Variants in CEP192 observed in about 807,000 individuals in gnomAD.
CEP192 encodes centrosomal protein of 192 kDa.
CEP192 carries 151 observed loss-of-function variants against 271.8 expected under a neutral mutation model. That is an observed-to-expected ratio of 0.56 (90% CI 0.49 to 0.64). The LOEUF (loss-of-function observed/expected upper bound fraction) is 0.64, where lower values mean the gene tolerates loss of function less well. CEP192 is among the 30% of genes least tolerant of loss of function. The pLI is 0.00. For synonymous variants in CEP192, 995 were observed against 1,076.5 expected (o/e 0.92, Z 1.48); for missense variants, 2,910 against 3,020.5 (o/e 0.96, Z 0.86).
chr18:13,004,826 G>A (rs78135862), intron 3 of CEP192, among the ~76,000 whole-genome samples: 6,621 of 152,216 alleles, frequency 0.043, 213 homozygotes, highest in African/African-American at 0.094. Flanking sequence ...TGCAGGTGAA[G>A]AGGAGGCAGA....
intron 40 of CEP192, among the ~76,000 whole-genome samples, chr18:13,113,092 C>T (rs938780607): frequency 1.3e-5 from 2 of 152,208 alleles, no homozygotes; most frequent in African/African-American, 4.8e-5. Context: ...AATCATAATG[C>T]GAGCTGCCAC....
chr18:13,029,791 G>A lies in CEP192; in HGVS notation c.1179G>A (p.Gly393=). 1.9e-6 allele frequency: 3 copies of A among 1,551,580 alleles called. No homozygotes were observed. The highest frequency in any genetic ancestry group is 2.6e-6 in the Non-Finnish European group (3 of 1,146,924). The change falls in exon 10 of 45, where the codon GGG becomes GGA. Residue 393 remains glycine, a synonymous_variant. Coordinates refer to ENST00000506447, the MANE Select transcript of CEP192 (RefSeq NM_032142.4). ...GFDLTDPVKQ[G]AECPHQNKTV... is the part of the protein sequence containing the mutation. ...ATCTGACTGACCCTGTAAAACAGGG[G>A]GCAGAGTGTCCTCACCAAAATAAGA...
intron 28 of CEP192, among the ~76,000 whole-genome samples, chr18:13,071,989 T>C (rs2038037802): frequency 6.6e-6 from 1 of 152,186 alleles, no homozygotes; most frequent in Admixed American, 6.5e-5. Flanking sequence ...GAATGAAAAC[T>C]TTACAAAATA....
chr18:13,096,955 C>G (rs1486772678), intron 36 of CEP192, among the ~76,000 whole-genome samples: 1 of 152,170 alleles, frequency 6.6e-6, no homozygotes, highest in Non-Finnish European at 1.5e-5. Context: ...CACATGACTC[C>G]CACATCTGCA....
intron 11 of CEP192, 112 bp from the exon 12 acceptor site, chr18:13,037,125 A>G (rs1026409855): frequency 5.6e-5 from 35 of 620,502 alleles, no homozygotes; most frequent in Non-Finnish European, 9.5e-5. Flanking sequence ...AAGCTTTTAC[A>G]TACTTGTTAC....
chr18:12,999,616 C>G, intron 2 of CEP192, 28 bp downstream of exon 2: 1 of 1,495,356 alleles, frequency 6.7e-7, no homozygotes, highest in Non-Finnish European at 8.9e-7. Flanking sequence ...AGATTTTTTT[C>G]CAGGTCCATA....
chr18:13,110,467 C>G (rs749533492), intron 40 of CEP192, among the ~76,000 whole-genome samples: 3 of 150,388 alleles, frequency 2.0e-5, no homozygotes, highest in Non-Finnish European at 4.4e-5. Flanking sequence ...CAAGACAGTT[C>G]AATGGGGAAA....
chr18:13,116,374 C>T lies in CEP192; in HGVS notation c.7290-3C>T, dbSNP rs1027251684. On this transcript the variant is annotated splice_region_variant and splice_polypyrimidine_tract_variant and intron_variant, in intron 42 of 44. Transcript: ENST00000506447. ...TTAACTTTTACACCTATTCCCAAAG[C>T]AGGCAGCTTGATGTGACTGCTCGTG... 1.9e-6 allele frequency: 3 copies of T among 1,611,058 alleles called. No homozygotes were observed. Among genetic ancestry groups the T allele is most frequent in the Non-Finnish European group, 2.5e-6 (3 of 1,179,272 alleles).
chr18:13,030,379 C>A, intron 10 of CEP192, 86 bp from the exon 11 acceptor site: 5 of 1,156,726 alleles, frequency 4.3e-6, no homozygotes, highest in Non-Finnish European at 6.0e-6. Context: ...CTAAGGTAGT[C>A]ATCTGAATTT....
At position 13,097,271 on chromosome 18, in the gene CEP192, T is replaced by C. The variant is rs572145372; in HGVS notation, c.6557+964T>C. Among the ~76,000 whole-genome samples, 47 of 152,308 alleles carry C rather than the reference T, an allele frequency of 3.1e-4. No homozygotes were observed. The South Asian group carries it at 9.7e-3, about 32-fold the overall frequency. On this transcript the variant is annotated intron_variant, in intron 36 of 44. Coordinates refer to ENST00000506447, the MANE Select transcript of CEP192 (RefSeq NM_032142.4). ...CAATCTTGCCCTTTCATTTTTGACATGTGTACTGAAACAGCTTTTCAGTCT... is the reference window on the plus strand; with the variant it reads ...CAATCTTGCCCTTTCATTTTTGACACGTGTACTGAAACAGCTTTTCAGTCT...
At chr18:13,118,152 A>G (rs1326551745) in intron 44 of CEP192, among the ~76,000 whole-genome samples, 1 of 152,074 alleles carries the variant, frequency 6.6e-6, no homozygotes, top group Admixed American at 6.5e-5. Flanking sequence ...TTTCTTTTCT[A>G]TATGATGCAC....
At position 13,049,595 on chromosome 18, in the gene CEP192, G is replaced by A; in HGVS notation, c.2804G>A (p.Arg935Lys). 1.2e-6 allele frequency: 2 copies of A among 1,613,816 alleles called. No individual in the cohort carries two copies. The highest frequency in any genetic ancestry group is 1.7e-6 in the Non-Finnish European group (2 of 1,179,950). ...ATACGAGATAACAGAGAAAATCAGA[G>A]GCAAAATGAGTGTGTCAGTGAAATA... is the stretch of plus-strand genomic sequence containing the variant. ...EEIRDNRENQ[R>K]QNECVSEISN... The change falls in exon 16 of 45, where the codon AGG becomes AAG. Residue 935 changes from arginine (R) to lysine (K), a missense_variant. Transcript: ENST00000506447.
At chr18:13,042,444 T>G (rs1309174155) in intron 15 of CEP192, 110 bp downstream of exon 15, 2 of 1,157,294 alleles carry the variant, frequency 1.7e-6, no homozygotes. Context: ...ATCTTTTCTT[T>G]CCTGGCTTCA....
At chr18:13,072,162 A>G (rs2038048182) in intron 28 of CEP192, among the ~76,000 whole-genome samples, 1 of 152,214 alleles carries the variant, frequency 6.6e-6, no homozygotes, top group South Asian at 2.1e-4. Context: ...AAATTTGAGT[A>G]AAACAGAGAT....
At chr18:13,102,123 C>T (rs976922206) in intron 38 of CEP192, among the ~76,000 whole-genome samples, 1 of 152,144 alleles carries the variant, frequency 6.6e-6, no homozygotes, top group South Asian at 2.1e-4. Flanking sequence ...GTGTGTCCTG[C>T]AGCTCCTGCC....
chr18:13,068,967 G>C lies in CEP192; in HGVS notation c.4938G>C (p.Arg1646Ser). 3 of 1,614,168 alleles carry C rather than the reference G, an allele frequency of 1.9e-6. No homozygotes were observed. In the South Asian group the frequency reaches 3.3e-5, roughly 18 times the overall value. The stretch of plus-strand genomic sequence containing the variant: ...TCCGAGCAAGAGCAGGAATAGCTAG[G>C]ATCCATGCTCCCAGGGACTTGCAGG... ...VSLRARAGIARIHAPRDLQTM... is the reference protein window; with the variant it reads ...VSLRARAGIASIHAPRDLQTM... Residue 1646 changes from arginine (R) to serine (S), a missense_variant, in exon 25 of 45, where the codon AGG becomes AGC. Arg to Ser is a moderately radical substitution (Grantham distance 110). Transcript: ENST00000506447.
Position 13,095,562 on chromosome 18 carries a change from A to T in CEP192, c.6314A>T (p.Lys2105Ile). 1 of 1,614,166 alleles carries T rather than the reference A, an allele frequency of 6.2e-7. No individual in the cohort carries two copies. ...GNVSLDVLPVKGPQGSPLLSR... is the reference protein window; with the variant it reads ...GNVSLDVLPVIGPQGSPLLSR... ...GTCTCTTTGGATGTTTTACCAGTCAAAGGTCCTCAGGGTTCTCCTCTTCTC... is the reference window on the plus strand; with the variant it reads ...GTCTCTTTGGATGTTTTACCAGTCATAGGTCCTCAGGGTTCTCCTCTTCTC... The change falls in exon 35 of 45, where the codon AAA becomes ATA. Residue 2105 changes from lysine to isoleucine, a missense_variant. Transcript: ENST00000506447.
chr18:13,050,542 A>G (rs1192931235), intron 17 of CEP192, among the ~76,000 whole-genome samples: 1 of 151,396 alleles, frequency 6.6e-6, no homozygotes, highest in Non-Finnish European at 1.5e-5. Context: ...TCATATACAT[A>G]TACACAGTCA....
rs1262396386 is a variant in CEP192, at chr18:13,008,745, C to T, written c.466+114C>T. ...TGAGGCAGGGTCGCACTCCTGTCGC[C>T]CAGGCTGGAGTGCAGTGGCGTGATC... On this transcript the variant is annotated intron_variant, in intron 4 of 44. Coordinates refer to ENST00000506447, the MANE Select transcript of CEP192 (RefSeq NM_032142.4). 4.9e-6 allele frequency: 4 copies of T among 820,604 alleles called. No homozygotes were observed. In the Admixed American group the frequency reaches 8.6e-5, roughly 18 times the overall value. The allele number at this position is 820,604 out of a possible 1,614,324, so 50.8% of individuals were successfully genotyped here.
Sources: gnomAD v4.1 joint callset for allele counts (sites outside exome capture counted in the v4.1 genomes callset) on GRCh38, gnomAD v4.1.1 for gene constraint, MANE v1.5 for transcripts, NCBI Gene and HGNC (gene_info 2026-07-23, HGNC 2026-07-21) for gene names.